The following RALGPS2 variants were observed in gnomAD, a reference collection of about 807,000 sequenced individuals.
RALGPS2 encodes the protein ras-specific guanine nucleotide-releasing factor RalGPS2.
A neutral mutation model predicts 86.8 loss-of-function variants in RALGPS2; 43 were observed. That is an observed-to-expected ratio of 0.50 (90% confidence interval 0.39 to 0.64). The LOEUF (loss-of-function observed/expected upper bound fraction) is 0.64, where lower values mean the gene tolerates loss of function less well. Among genes scored for constraint, RALGPS2 ranks in the 30% least tolerant of loss-of-function variants. The pLI is 0.00. For missense variants in RALGPS2, 536 were observed against 694.6 expected (o/e 0.77, Z 2.57); for synonymous variants, 243 against 231.3 (o/e 1.05, Z -0.46).
chr1:178,767,358 C>CTTTTTT (rs1159630163), intron 1 of RALGPS2, among the ~76,000 whole-genome samples: 4 of 70,440 alleles, frequency 5.7e-5, no homozygotes, highest in Admixed American at 1.6e-4. Context: ...TGTCCTTTGG[C>CTTTTTT]TTTTTTTTTT....
intron 8 of RALGPS2, among the ~76,000 whole-genome samples, chr1:178,867,243 A>G (rs1290113580): frequency 2.0e-5 from 3 of 152,112 alleles, no homozygotes; most frequent in Non-Finnish European, 4.4e-5. Context: ...ACTTATCACC[A>G]CAACCCTATG....
At chr1:178,751,133 C>A (rs2102043888) in intron 1 of RALGPS2, among the ~76,000 whole-genome samples, 1 of 152,298 alleles carries the variant, frequency 6.6e-6, no homozygotes, top group East Asian at 1.9e-4. Context: ...CAGACACACA[C>A]ACCCTATGTC....
At position 178,920,677 on chromosome 1, in the gene RALGPS2, C is replaced by G. The variant is rs111524528; in HGVS notation, c.*4318C>G. The G allele has an allele frequency of 1.3e-5, 2 of 151,914 alleles. No individual in the cohort carries two copies. The highest frequency in any genetic ancestry group is 6.6e-5 in the Admixed American group (1 of 15,246). The allele number at this position is 151,914 out of a possible 1,614,324, so 9.4% of individuals were successfully genotyped here. On this transcript the variant is annotated 3_prime_UTR_variant, in exon 20 of 20. Transcript: ENST00000367635. ...CTTAAAAACAAATTTGAAGAGCACTCTTCAGCCAAGTTCATTTTTATTTTG... is the reference window on the plus strand; with the variant it reads ...CTTAAAAACAAATTTGAAGAGCACTGTTCAGCCAAGTTCATTTTTATTTTG...
At chr1:178,761,569 G>T (rs2102065725) in intron 1 of RALGPS2, among the ~76,000 whole-genome samples, 1 of 152,032 alleles carries the variant, frequency 6.6e-6, no homozygotes, top group South Asian at 2.1e-4. Flanking sequence ...TTGTTTGTTT[G>T]TTTGTTTTTT....
intron 1 of RALGPS2, among the ~76,000 whole-genome samples, chr1:178,765,715 A>G (rs1327367418): frequency 1.3e-5 from 2 of 152,180 alleles, no homozygotes; most frequent in Non-Finnish European, 2.9e-5. Flanking sequence ...ATCTACAACC[A>G]TAAAAGACAG....
intron 1 of RALGPS2, chr1:178,747,822 G>T (rs1014157814): frequency 1.9e-5 from 12 of 635,560 alleles, no homozygotes; most frequent in Non-Finnish European, 3.1e-5. Flanking sequence ...TGCACGATCC[G>T]CAGAGAGCCT....
At chr1:178,772,995 G>T (rs902189729) in intron 1 of RALGPS2, among the ~76,000 whole-genome samples, 3 of 152,122 alleles carry the variant, frequency 2.0e-5, no homozygotes, top group Non-Finnish European at 4.4e-5. Context: ...TGGAGACGGG[G>T]TTTCACCATG....
In RALGPS2 at chr1:178,906,805, A is replaced by C. The variant is rs1225684710; in HGVS notation, c.1660A>C (p.Arg554=). The C allele has an allele frequency of 6.2e-7, 1 of 1,608,744 alleles. No homozygotes were observed. The change falls in exon 19 of 20, where the codon AGA becomes CGA. Residue 554 remains arginine (R), a synonymous_variant. Coordinates refer to ENST00000367635, the MANE Select transcript of RALGPS2 (RefSeq NM_152663.5). The part of the protein sequence containing the change: ...GNSYKFQAGN[R]MNAMLWFKHL... ...TTCGTACAAGTTTCAAGCTGGCAAT[A>C]GAATGAATGCAATGTTATGGTTTAA... is the stretch of plus-strand genomic sequence containing the variant.
intron 10 of RALGPS2, among the ~76,000 whole-genome samples, chr1:178,881,211 G>T (rs1659232021): frequency 6.6e-6 from 1 of 152,038 alleles, no homozygotes. Flanking sequence ...CATAGATAAG[G>T]GGGGACCTAA....
intron 15 of RALGPS2, among the ~76,000 whole-genome samples, chr1:178,893,450 TTTC>T (rs777263528): frequency 4.1e-5 from 6 of 147,706 alleles, no homozygotes; most frequent in East Asian, 1.9e-4. Flanking sequence ...TTAAGCATGT[TTTC>T]TTTTTTTTTT....
chr1:178,786,993 ACTTTTCCCCCATACCTCAGAGGGCTCT>A (rs534130286), intron 4 of RALGPS2, among the ~76,000 whole-genome samples: 515 of 152,000 alleles, frequency 3.4e-3, no homozygotes, highest in Non-Finnish European at 5.4e-3. Context: ...TGTTTTCCTA[ACTTTTCCCCCATACCTCAGAGGGCTCT>A]CTAAGTAGAA....
intron 4 of RALGPS2, among the ~76,000 whole-genome samples, chr1:178,807,548 A>G (rs1252453738): frequency 1.3e-5 from 2 of 152,196 alleles, no homozygotes; most frequent in African/African-American, 4.8e-5. Context: ...TAAAATGAAA[A>G]TTAATTTTTT....
intron 8 of RALGPS2, among the ~76,000 whole-genome samples, chr1:178,872,418 A>G (rs1329656009): frequency 3.9e-5 from 6 of 152,224 alleles, no homozygotes; most frequent in Non-Finnish European, 7.3e-5. Flanking sequence ...AGGGAAATGA[A>G]GTTTATGGCA....
intron 8 of RALGPS2, among the ~76,000 whole-genome samples, chr1:178,867,488 C>T (rs1452645659): frequency 6.6e-6 from 1 of 152,002 alleles, no homozygotes; most frequent in East Asian, 1.9e-4. Context: ...GAGGAAAATC[C>T]TTGAGAAGCT....
At chr1:178,731,535 G>A (rs141905142) in intron 1 of RALGPS2, among the ~76,000 whole-genome samples, 5 of 151,752 alleles carry the variant, frequency 3.3e-5, no homozygotes, top group East Asian at 3.9e-4. Context: ...CGCCTACCTC[G>A]GCCTCTCAGA....
At chr1:178,907,239 G>T (rs1660424935) in intron 19 of RALGPS2, among the ~76,000 whole-genome samples, 1 of 152,206 alleles carries the variant, frequency 6.6e-6, no homozygotes, top group South Asian at 2.1e-4. Context: ...AGAGCAGAGT[G>T]CTGTGTAAGG....
At chr1:178,754,789 T>TTTTG (rs570366787) in intron 1 of RALGPS2, among the ~76,000 whole-genome samples, 67 of 152,290 alleles carry the variant, frequency 4.4e-4, no homozygotes, top group East Asian at 1.4e-3. Context: ...ATTTACCAGT[T>TTTTG]TTTGTTTGTT....
intron 1 of RALGPS2, among the ~76,000 whole-genome samples, chr1:178,752,777 T>A (rs889063291): frequency 1.3e-5 from 2 of 152,212 alleles, no homozygotes; most frequent in Admixed American, 1.3e-4. Context: ...CAAGTTGCCT[T>A]GGAAAAAATA....
intron 6 of RALGPS2, among the ~76,000 whole-genome samples, chr1:178,816,944 G>A (rs1655258658): frequency 1.3e-5 from 2 of 151,846 alleles, no homozygotes; most frequent in South Asian, 4.2e-4. Context: ...CCTGACTCAG[G>A]TGATCCACCC....
Sources: gnomAD v4.1 joint callset for allele counts (sites outside exome capture counted in the v4.1 genomes callset) on GRCh38, gnomAD v4.1.1 for gene constraint, MANE v1.5 for transcripts, NCBI Gene and HGNC (gene_info 2026-07-23, HGNC 2026-07-21) for gene names.